ITGA10: variants seen among roughly 807,000 people sequenced by gnomAD.
ITGA10 encodes the protein integrin subunit alpha 10.
Under a neutral mutation model 145.2 loss-of-function variants are expected in ITGA10, and 105 were observed. The ratio of observed to expected loss-of-function variants is 0.72; its 90% confidence interval spans 0.62 to 0.85. ITGA10 has a LOEUF of 0.85. Ranked by LOEUF, ITGA10 falls within the 40% of genes least tolerant of loss-of-function variation. The pLI, the probability that ITGA10 is intolerant of heterozygous loss-of-function variation, is 0.00. For missense variants in ITGA10, 1,317 were observed against 1,444.5 expected (o/e 0.91, Z 1.43); for synonymous variants, 506 against 557.8 (o/e 0.91, Z 1.31).
intron 15 of ITGA10, among the ~76,000 whole-genome samples, 198 bp from the exon 16 acceptor site, chr1:145,899,539 C>T (rs1655936679): frequency 6.7e-6 from 1 of 150,298 alleles, no homozygotes; most frequent in Non-Finnish European, 1.5e-5. Context: ...GATGGAGTTT[C>T]ACTCTGTGGC....
Position 145,902,017 on chromosome 1 carries a change from C to A in ITGA10, c.1154G>T (p.Gly385Val). The A allele has an allele frequency of 6.2e-7, 1 of 1,614,076 alleles. No individual in the cohort carries two copies. Among genetic ancestry groups the A allele is most frequent in the South Asian group, 1.1e-5 (1 of 91,084 alleles). Residue 385 changes from glycine to valine, a missense_variant, in exon 11 of 30, where the codon GGG becomes GTG. Physicochemically the swap from Gly to Val is moderately radical, Grantham distance 109. Coordinates refer to ENST00000369304, the MANE Select transcript of ITGA10 (RefSeq NM_003637.5). Reference protein sequence around the residue: ...IGFSTHRLKDGILFGMVGAYD... With the variant: ...IGFSTHRLKDVILFGMVGAYD... ...GGCCCCCACCATCCCAAAAAGAATC[C>A]CATCCTGTGGGACAGAAGCAGATGG...
intron 27 of ITGA10, among the ~76,000 whole-genome samples, chr1:145,894,684 G>A (rs12410385): frequency 0.19 from 28,815 of 152,108 alleles, 3,178 homozygotes; most frequent in African/African-American, 0.3. Context: ...ATTAAGTTCA[G>A]TTTCTCCCTG....
Position 145,907,638 on chromosome 1 carries a change from C to A in ITGA10, c.53-173G>T, listed in dbSNP as rs1442513507. On this transcript the variant is annotated intron_variant, in intron 1 of 29. Transcript: ENST00000369304. ...CTCAGAGCTCCAGGCAAAGATGATT[C>A]CCTTCCTGTGTTTGTGTCCAGATGC... The A allele has an allele frequency of 1.6e-4, 159 of 983,306 alleles. 1 individual carries two copies. Among genetic ancestry groups the A allele is most frequent in the African/African-American group, 8.2e-4 (47 of 57,218 alleles). 60.9% of individuals were successfully genotyped at this position (983,306 alleles called of 1,614,324 possible).
intron 14 of ITGA10, 61 bp from the exon 15 acceptor site, chr1:145,900,248 T>C: frequency 6.7e-7 from 1 of 1,493,962 alleles, no homozygotes; most frequent in East Asian, 2.3e-5. Flanking sequence ...TCAGGCCTCC[T>C]GCCTTGCTCT....
intron 5 of ITGA10, chr1:145,905,966 C>T (rs1657077449): frequency 5.9e-6 from 1 of 170,460 alleles, no homozygotes; most frequent in African/African-American, 2.4e-5. Context: ...GTCACCCACG[C>T]TAGAGTGCAG....
chr1:145,894,203 T>G (rs1258594423), intron 27 of ITGA10, among the ~76,000 whole-genome samples: 2 of 150,206 alleles, frequency 1.3e-5, no homozygotes, highest in Non-Finnish European at 3.0e-5. Context: ...ACTCCATCTC[T>G]CGGGTTAATG....
rs1445514366 is a variant in ITGA10, at chr1:145,891,870, A to G, written c.*928T>C. The G allele has an allele frequency of 3.3e-5, 5 of 152,290 alleles. No individual in the cohort carries two copies. The highest frequency in any genetic ancestry group is 4.8e-5 in the African/African-American group (2 of 41,476). The allele number at this position is 152,290 out of a possible 1,614,324, so 9.4% of individuals were successfully genotyped here. A position where few individuals can be genotyped will look rare whatever the true frequency, so the allele number is the denominator to read the frequency against. ...AGCTGGTAAAGTGAAAGCATTTCCC[A>G]TCATCAAGTAGCAGTACTCTCTCTC... On this transcript the variant is annotated 3_prime_UTR_variant, in exon 30 of 30. Coordinates refer to ENST00000369304, the MANE Select transcript of ITGA10 (RefSeq NM_003637.5).
rs1301690422 is a variant in ITGA10, at chr1:145,897,409, A to G, written c.2575-70T>C. 2.5e-6 allele frequency: 4 copies of G among 1,595,098 alleles called. No homozygotes were observed. In the African/African-American group the frequency reaches 5.4e-5, roughly 21 times the overall value. On this transcript the variant is annotated intron_variant, in intron 20 of 29. Coordinates refer to ENST00000369304, the MANE Select transcript of ITGA10 (RefSeq NM_003637.5). ...ACTGCTGTCCTACCCACAGCCTCTA[A>G]ACACTGAGCCTTTCTCTAGAGGACC...
rs782461630 is a variant in ITGA10, at chr1:145,897,210, T to A, written c.2667+37A>T. On this transcript the variant is annotated intron_variant, in intron 21 of 29. Coordinates refer to ENST00000369304, the MANE Select transcript of ITGA10 (RefSeq NM_003637.5). ...GACCCTCAGATCCCAGCCTCTGCCC[T>A]CCTAGAGCCCTCTTTTCATCCTAGA... is the stretch of plus-strand genomic sequence containing the variant. 61 of 1,603,874 alleles carry A rather than the reference T, an allele frequency of 3.8e-5. No individual in the cohort carries two copies. In the South Asian group the frequency reaches 6.2e-4, roughly 16 times the overall value.
chr1:145,907,228 G>A, intron 2 of ITGA10, 78 bp from the exon 3 acceptor site: 1 of 1,577,552 alleles, frequency 6.3e-7, no homozygotes, highest in Non-Finnish European at 8.6e-7. Flanking sequence ...AGAGCATGGA[G>A]GTGGTAAGTT....
chr1:145,900,623 CAGG>C (rs201959927), intron 14 of ITGA10, among the ~76,000 whole-genome samples, 164 bp downstream of exon 14: 1,900 of 152,222 alleles, frequency 0.012, 30 homozygotes, highest in African/African-American at 0.042. Context: ...TGCCTGTGTT[CAGG>C]AGTTCTTAGT....
rs1656356774 is a variant in ITGA10, at chr1:145,901,779, A to C, written c.1294+98T>G. ...GGGAAGTAACCAGAGGTCAGTGAGA[A>C]ACCGCATGAGTTAAGAGGGAGTATT... On this transcript the variant is annotated intron_variant, in intron 11 of 29. Transcript: ENST00000369304. The surrounding 1 kb of genome is among the most constrained non-coding windows in gnomAD (Gnocchi z 4.3). The C allele has an allele frequency of 3.8e-6, 6 of 1,561,526 alleles. No homozygotes were observed. Among genetic ancestry groups the C allele is most frequent in the Non-Finnish European group, 5.2e-6 (6 of 1,149,142 alleles).
Position 145,900,111 on chromosome 1 carries a change from C to G in ITGA10, c.1868G>C (p.Gly623Ala), listed in dbSNP as rs1553747455. 6.2e-7 allele frequency: 1 copy of G among 1,613,952 alleles called. No individual in the cohort carries two copies. The highest frequency in any genetic ancestry group is 1.1e-5 in the South Asian group (1 of 91,034). ...RSVDGRLDLD[G>A]DDLVDVAVGA... ...CACAGCCACATCGACCAGATCATCT[C>G]CATCCAGATCTAGCCGACCATCCAC... The change falls in exon 15 of 30, where the codon GGA becomes GCA. Residue 623 changes from glycine to alanine, a missense_variant. Gly to Ala is a moderately conservative substitution (Grantham distance 60, BLOSUM62 0). Transcript: ENST00000369304.
At chr1:145,896,210 C>G (rs1395698370) in intron 24 of ITGA10, 58 bp downstream of exon 24, 1 of 1,509,840 alleles carries the variant, frequency 6.6e-7, no homozygotes, top group African/African-American at 1.4e-5. Context: ...CATCCTTTTC[C>G]CACAAAGCTG....
chr1:145,909,195 G>C (rs782805397), intron 1 of ITGA10, among the ~76,000 whole-genome samples: 2 of 151,562 alleles, frequency 1.3e-5, no homozygotes, highest in Non-Finnish European at 2.9e-5. Flanking sequence ...AGCTACTCGG[G>C]AGGCTAAGGT....
chr1:145,907,697 G>C (rs1331745730), intron 1 of ITGA10: 3 of 576,746 alleles, frequency 5.2e-6, no homozygotes, highest in Non-Finnish European at 6.5e-6. Flanking sequence ...CTGATGTACA[G>C]CTGTATTTCC....
At chr1:145,898,357 G>GTTAA (rs1195853442) in intron 17 of ITGA10, 134 bp from the exon 18 acceptor site, 12 of 369,356 alleles carry the variant, frequency 3.2e-5, no homozygotes, top group African/African-American at 2.6e-4. Flanking sequence ...TAATTAATTA[G>GTTAA]TTAATTTATT....
In ITGA10 at chr1:145,906,570, G is replaced by A. The variant is rs375109656; in HGVS notation, c.367-62C>T. ...AGGGCACCCTCAGAACATGCTCCCA[G>A]TTGAAGGAGGCATGAAGACTACTCC... On this transcript the variant is annotated intron_variant, in intron 4 of 29. Transcript: ENST00000369304. 11 of 1,446,774 alleles carry A rather than the reference G, an allele frequency of 7.6e-6. No individual in the cohort carries two copies. In the Admixed American group the frequency reaches 8.4e-5, roughly 11 times the overall value. 89.6% of individuals were successfully genotyped at this position (1,446,774 alleles called of 1,614,324 possible). A position where few individuals can be genotyped will look rare whatever the true frequency, so the allele number is the denominator to read the frequency against.
rs782627704 is a variant in ITGA10 at position 145,893,184 on chromosome 1, G to A, written c.3415C>T (p.Leu1139Phe). The A allele has an allele frequency of 1.9e-6, 3 of 1,613,628 alleles. No individual in the cohort carries two copies. The South Asian group carries it at 3.3e-5, about 18-fold the overall frequency. The part of the protein sequence containing the change: ...SVLGGLLLLA[L>F]LVFCLWKLGF... ...ACCTTCCACAGGCAGAAGACAAGGA[G>A]AGCAAGCAGGAGCAACCCTCCCAGG... is the stretch of plus-strand genomic sequence containing the variant. Residue 1139 changes from leucine (L) to phenylalanine (F), a missense_variant, in exon 29 of 30, where the codon CTC (leucine) becomes TTC (phenylalanine). Physicochemically the swap from Leu to Phe is conservative, Grantham distance 22. Coordinates refer to ENST00000369304, the MANE Select transcript of ITGA10 (RefSeq NM_003637.5).
Sources: gnomAD v4.1 joint callset for allele counts (sites outside exome capture counted in the v4.1 genomes callset) on GRCh38, gnomAD v4.1.1 for gene constraint, Gnocchi (gnomAD v3.1) non-coding constraint, MANE v1.5 for transcripts, NCBI Gene and HGNC (gene_info 2026-07-23, HGNC 2026-07-21) for gene names.